The following ENTREP3 variants were observed in gnomAD, a reference collection of about 807,000 sequenced individuals.
ENTREP3 encodes the protein endosomal transmembrane epsin interactor 3.
the ENTREP3 span, chr1:155,250,989 C>G: frequency 7.7e-7 from 1 of 1,290,674 alleles, no homozygotes; most frequent in Non-Finnish European, 1.1e-6. The surrounding 1 kb of genome is among the most constrained non-coding windows in gnomAD (Gnocchi z 5.4). Context: ...CCTCCTATGT[C>G]CCCAAACCAC....
At chr1:155,252,212 T>C in the ENTREP3 span, 3 of 194,202 alleles carry the variant, frequency 1.5e-5, no homozygotes, top group Admixed American at 9.3e-5. Flanking sequence ...AGGACCTTCT[T>C]TTTTTTTTTG....
the ENTREP3 span, chr1:155,250,280 G>A: frequency 3.2e-5 from 49 of 1,546,858 alleles, no homozygotes; most frequent in South Asian, 5.8e-4. The surrounding 1 kb of genome is among the most constrained non-coding windows in gnomAD (Gnocchi z 5.4). Flanking sequence ...GCTCACCAGT[G>A]TCACTGGAGG....
At chr1:155,247,958 G>A in the ENTREP3 span, 5 of 1,605,624 alleles carry the variant, frequency 3.1e-6, no homozygotes, top group Non-Finnish European at 4.3e-6. Flanking sequence ...CGGGGCACCT[G>A]GACAGGGACA....
the ENTREP3 span, chr1:155,252,187 G>C: frequency 2.6e-6 from 1 of 384,026 alleles, no homozygotes; most frequent in Non-Finnish European, 4.5e-6. Context: ...CCACCCTTTA[G>C]CCTCACCTCC....
the ENTREP3 span, chr1:155,250,723 A>G: frequency 2.3e-5 from 37 of 1,612,972 alleles, no homozygotes; most frequent in Non-Finnish European, 3.1e-5. This position sits in a 1 kb window ranked among gnomAD's most constrained non-coding sequence, Gnocchi z 5.4. Flanking sequence ...GAGCGCACGG[A>G]GCCCTGCAGC....
chr1:155,255,102 T>C, the ENTREP3 span: 2 of 590,104 alleles, frequency 3.4e-6, no homozygotes, highest in Non-Finnish European at 6.0e-6. The surrounding 1 kb of genome is among the most constrained non-coding windows in gnomAD (Gnocchi z 5.6). Context: ...CCACGGGCAC[T>C]GGACGGGCAC....
At chr1:155,248,372 C>A in the ENTREP3 span, 2 of 1,614,006 alleles carry the variant, frequency 1.2e-6, no homozygotes, top group African/African-American at 2.7e-5. Flanking sequence ...CATGCCCAAT[C>A]CCCATCCCTG....
chr1:155,255,161 T>G, the ENTREP3 span: 5 of 522,752 alleles, frequency 9.6e-6, no homozygotes, highest in East Asian at 3.3e-5. The surrounding 1 kb of genome is among the most constrained non-coding windows in gnomAD (Gnocchi z 5.6). Context: ...TCATCGCATC[T>G]CCCTAGGGAA....
At chr1:155,248,500 G>C in the ENTREP3 span, 1 of 1,604,352 alleles carries the variant, frequency 6.2e-7, no homozygotes, top group South Asian at 1.1e-5. Flanking sequence ...AAGGGAGACA[G>C]GGAGTGAGTG....
chr1:155,249,356 G>A, the ENTREP3 span, among the ~76,000 whole-genome samples: 3 of 152,010 alleles, frequency 2.0e-5, no homozygotes, highest in Non-Finnish European at 4.4e-5. Flanking sequence ...TTCCCACAGT[G>A]CTGGGATTAC....
the ENTREP3 span, chr1:155,250,718 C>T: frequency 1.9e-6 from 3 of 1,613,122 alleles, no homozygotes; most frequent in East Asian, 6.7e-5. This position sits in a 1 kb window ranked among gnomAD's most constrained non-coding sequence, Gnocchi z 5.4. Flanking sequence ...CCACGGAGCG[C>T]ACGGAGCCCT....
chr1:155,251,822 C>T, the ENTREP3 span: 31 of 1,574,888 alleles, frequency 2.0e-5, no homozygotes, highest in East Asian at 6.4e-4. Flanking sequence ...CCAGGTCCAG[C>T]ATGGTGTGTA....
the ENTREP3 span, chr1:155,254,190 G>A: frequency 1.2e-6 from 2 of 1,612,744 alleles, no homozygotes; most frequent in Admixed American, 1.7e-5. This position sits in a 1 kb window ranked among gnomAD's most constrained non-coding sequence, Gnocchi z 4.4. Flanking sequence ...GGAGAAGAAG[G>A]AGATCTGGGG....
chr1:155,247,934 G>A, the ENTREP3 span: 21 of 1,599,706 alleles, frequency 1.3e-5, no homozygotes, highest in South Asian at 2.2e-5. Flanking sequence ...CGGCCAGGCC[G>A]GCCCCACAGG....
chr1:155,247,671 A>T, the ENTREP3 span: 1 of 1,016,532 alleles, frequency 9.8e-7, no homozygotes. Flanking sequence ...TTTGGGGGGT[A>T]TACAGCAGGT....
At chr1:155,250,862 T>G in the ENTREP3 span, 2 of 1,546,486 alleles carry the variant, frequency 1.3e-6, no homozygotes, top group South Asian at 1.2e-5. The surrounding 1 kb of genome is among the most constrained non-coding windows in gnomAD (Gnocchi z 5.4). Flanking sequence ...CAGCCTGGCC[T>G]GGCCTAGCCC....
the ENTREP3 span, chr1:155,251,028 G>A: frequency 6.8e-7 from 1 of 1,476,574 alleles, no homozygotes. Context: ...CCCTTCTATT[G>A]TCTCTACCCA....
chr1:155,248,396 A>C, the ENTREP3 span: 1 of 1,614,032 alleles, frequency 6.2e-7, no homozygotes, highest in Non-Finnish European at 8.5e-7. Context: ...CGCAAACCAC[A>C]TGCCTGACCT....
chr1:155,249,723 C>CA, the ENTREP3 span, among the ~76,000 whole-genome samples: 1 of 151,822 alleles, frequency 6.6e-6, no homozygotes, highest in African/African-American at 2.4e-5. Flanking sequence ...ACTAAAAATA[C>CA]AAAAAAATAG....
Sources: allele counts gnomAD v4.1 joint callset (sites outside exome capture counted in the v4.1 genomes callset), GRCh38; gene constraint gnomAD v4.1.1; non-coding constraint Gnocchi (gnomAD v3.1); transcripts MANE v1.5; gene names NCBI Gene and HGNC (gene_info 2026-07-23, HGNC 2026-07-21).